Variants in NEO1 observed in about 807,000 individuals in gnomAD.
NEO1 encodes neogenin 1, also known as neogenin.
NEO1 carries 63 observed loss-of-function variants against 159.7 expected under a neutral mutation model. The ratio of observed to expected loss-of-function variants is 0.39; its 90% CI spans 0.32 to 0.49. The LOEUF (loss-of-function observed/expected upper bound fraction) is 0.49, where lower values mean the gene tolerates loss of function less well. Ranked by LOEUF, NEO1 falls within the 20% of genes least tolerant of loss-of-function variation. NEO1 has a pLI of 0.85. For missense variants in NEO1, 1,615 were observed against 1,831.0 expected (o/e 0.88, Z 2.15); for synonymous variants, 633 against 662.0 (o/e 0.96, Z 0.67).
intron 5 of NEO1, among the ~76,000 whole-genome samples, chr15:73,151,514 A>G (rs530492037): frequency 6.6e-6 from 1 of 152,346 alleles, no homozygotes; most frequent in South Asian, 2.1e-4. Flanking sequence ...TATGAAGGAA[A>G]GAGGTTTAAT....
intron 25 of NEO1, among the ~76,000 whole-genome samples, chr15:73,292,964 C>G (rs2042214183): frequency 6.6e-6 from 1 of 152,140 alleles, no homozygotes; most frequent in Non-Finnish European, 1.5e-5. Context: ...TTTAGCAGGA[C>G]AAAATAGAAA....
intron 1 of NEO1, among the ~76,000 whole-genome samples, chr15:73,102,688 T>C (rs1346779706): frequency 2.6e-5 from 4 of 152,220 alleles, no homozygotes; most frequent in Non-Finnish European, 4.4e-5. Context: ...CTTTTCAGGC[T>C]TTTCTTTCTC....
intron 7 of NEO1, among the ~76,000 whole-genome samples, chr15:73,186,595 T>C (rs1041694934): frequency 2.6e-5 from 4 of 152,048 alleles, no homozygotes; most frequent in Admixed American, 2.6e-4. Flanking sequence ...TCTTTTTTTT[T>C]CACTCTAAAT....
At position 73,260,177 on chromosome 15, in the gene NEO1, A is replaced by C. The variant is rs985042863; in HGVS notation, c.2204-94A>C. Reference sequence around the variant, plus strand: ...TAATGTAAAAAACTTAGCCCCAAACAGTGTGGTAGGAAGCTAAACACCATT... The same window carrying C: ...TAATGTAAAAAACTTAGCCCCAAACCGTGTGGTAGGAAGCTAAACACCATT... On this transcript the variant is annotated intron_variant, in intron 14 of 28. Transcript: ENST00000261908. The C allele has an allele frequency of 8.6e-6, 10 of 1,157,308 alleles. 1 individual carries two copies. The highest frequency in any genetic ancestry group is 3.1e-4 in the Middle Eastern group (1 of 3,238). 71.7% of individuals were successfully genotyped at this position (1,157,308 alleles called of 1,614,324 possible). A position where few individuals can be genotyped will look rare whatever the true frequency, so the allele number is the denominator to read the frequency against.
chr15:73,093,076 C>G (rs1290548399), intron 1 of NEO1, among the ~76,000 whole-genome samples: 3 of 152,094 alleles, frequency 2.0e-5, no homozygotes, highest in African/African-American at 7.2e-5. Context: ...GAGTACTGGT[C>G]AGGTATTTTA....
intron 1 of NEO1, among the ~76,000 whole-genome samples, chr15:73,057,539 A>T (rs970068346): frequency 6.6e-6 from 1 of 152,196 alleles, no homozygotes; most frequent in Non-Finnish European, 1.5e-5. Flanking sequence ...AAGTGAAGTG[A>T]GGAGAAGTTT....
chr15:73,071,570 C>G (rs551021492), intron 1 of NEO1, among the ~76,000 whole-genome samples: 2 of 152,248 alleles, frequency 1.3e-5, no homozygotes, highest in Non-Finnish European at 1.5e-5. Flanking sequence ...CTCCATCACC[C>G]AGGCTGGAGT....
At chr15:73,099,408 T>C (rs1470371353) in intron 1 of NEO1, among the ~76,000 whole-genome samples, 2 of 152,238 alleles carry the variant, frequency 1.3e-5, no homozygotes, top group Admixed American at 6.5e-5. Context: ...GAACCTGGTT[T>C]ACAGACCTTG....
At chr15:73,157,798 TTCTGTAGA>T (rs1182575853) in intron 5 of NEO1, among the ~76,000 whole-genome samples, 5 of 152,234 alleles carry the variant, frequency 3.3e-5, no homozygotes, top group Non-Finnish European at 2.9e-5. Context: ...ATTTCTGAAG[TTCTGTAGA>T]TCTTATCCTA....
intron 7 of NEO1, among the ~76,000 whole-genome samples, chr15:73,190,044 C>T (rs2036153678): frequency 1.3e-5 from 2 of 151,938 alleles, no homozygotes; most frequent in African/African-American, 4.8e-5. Flanking sequence ...CATTGCCTGT[C>T]ATTTTATGCT....
chr15:73,095,927 C>A (rs993697783), intron 1 of NEO1, among the ~76,000 whole-genome samples: 4 of 151,904 alleles, frequency 2.6e-5, no homozygotes, highest in African/African-American at 9.7e-5. Context: ...TGAGAAAAGC[C>A]CCTATCAGAG....
intron 1 of NEO1, among the ~76,000 whole-genome samples, chr15:73,054,284 G>A (rs1178110057): frequency 6.6e-6 from 1 of 152,122 alleles, no homozygotes; most frequent in Non-Finnish European, 1.5e-5. Flanking sequence ...AAGTTTTGCC[G>A]ATAATTTTGT....
intron 2 of NEO1, among the ~76,000 whole-genome samples, chr15:73,120,947 G>GT (rs1567238596): frequency 6.6e-6 from 1 of 151,962 alleles, no homozygotes; most frequent in African/African-American, 2.4e-5. Flanking sequence ...ACATCTTATC[G>GT]TATCTGCCTT....
At chr15:73,253,706 T>G (rs1268101763) in intron 12 of NEO1, among the ~76,000 whole-genome samples, 2 of 152,236 alleles carry the variant, frequency 1.3e-5, no homozygotes, top group Non-Finnish European at 1.5e-5. Flanking sequence ...CTCCTTAATT[T>G]TGCTTCCTTC....
At chr15:73,076,940 A>C (rs1251202692) in intron 1 of NEO1, among the ~76,000 whole-genome samples, 1 of 152,252 alleles carries the variant, frequency 6.6e-6, no homozygotes, top group Admixed American at 6.5e-5. Context: ...TTTCTGTGGA[A>C]GAACTGAGTT....
At chr15:73,206,840 T>TGTGC (rs1239058192) in intron 7 of NEO1, among the ~76,000 whole-genome samples, 1 of 7,444 alleles carries the variant, frequency 1.3e-4, no homozygotes, top group African/African-American at 1.6e-4. Context: ...TGTGTATGTG[T>TGTGC]GTGTGTGCGT....
At chr15:73,128,205 T>C (rs2030565347) in intron 4 of NEO1, among the ~76,000 whole-genome samples, 1 of 151,934 alleles carries the variant, frequency 6.6e-6, no homozygotes. Context: ...TCTTTCCAGC[T>C]AAATATTACA....
chr15:73,177,176 A>G (rs912642329), intron 6 of NEO1, among the ~76,000 whole-genome samples: 1 of 152,134 alleles, frequency 6.6e-6, no homozygotes, highest in Non-Finnish European at 1.5e-5. Flanking sequence ...ACTATACTTT[A>G]TATATAGTAA....
At chr15:73,230,781 G>C (rs1008480288) in intron 7 of NEO1, among the ~76,000 whole-genome samples, 1 of 151,970 alleles carries the variant, frequency 6.6e-6, no homozygotes, top group Non-Finnish European at 1.5e-5. Flanking sequence ...TTGTAGAGAT[G>C]GGGTCTCACT....
Sources: gnomAD v4.1 joint callset for allele counts (sites outside exome capture counted in the v4.1 genomes callset) on GRCh38, gnomAD v4.1.1 for gene constraint, MANE v1.5 for transcripts, NCBI Gene and HGNC (gene_info 2026-07-23, HGNC 2026-07-21) for gene names.